The following CNTN4 variants were observed in gnomAD, a reference collection of about 807,000 sequenced individuals.
CNTN4 encodes the protein contactin-4.
A neutral mutation model predicts 122.5 loss-of-function variants in CNTN4; 77 were observed. The ratio of observed to expected loss-of-function variants is 0.63; its 90% CI spans 0.52 to 0.76. The LOEUF is 0.76. Ranked by LOEUF, CNTN4 falls within the 30% of genes least tolerant of loss-of-function variation. CNTN4 has a pLI of 0.00. For synonymous variants in CNTN4, 512 were observed against 447.0 expected (o/e 1.15, Z -1.83); for missense variants, 1,256 against 1,259.1 (o/e 1.00, Z 0.04).
At chr3:2,215,100 C>T (rs2038783039) in intron 2 of CNTN4, among the ~76,000 whole-genome samples, 1 of 152,166 alleles carries the variant, frequency 6.6e-6, no homozygotes, top group Non-Finnish European at 1.5e-5. Context: ...TCACCTCTAT[C>T]TCTTCTTTTC....
At chr3:2,311,923 G>C (rs2042929144) in intron 2 of CNTN4, among the ~76,000 whole-genome samples, 1 of 152,066 alleles carries the variant, frequency 6.6e-6, no homozygotes, top group Admixed American at 6.6e-5. Flanking sequence ...GAGTTATAGA[G>C]TTTTGGAGGA....
At chr3:2,984,366 C>A (rs1694353037) in intron 13 of CNTN4, among the ~76,000 whole-genome samples, 1 of 151,990 alleles carries the variant, frequency 6.6e-6, no homozygotes, top group South Asian at 2.1e-4. Context: ...TGATTTTGAC[C>A]CCCAGGGTAT....
intron 6 of CNTN4, among the ~76,000 whole-genome samples, chr3:2,810,023 A>G (rs2092566606): frequency 6.6e-6 from 1 of 152,194 alleles, no homozygotes; most frequent in African/African-American, 2.4e-5. Flanking sequence ...ATAATAGTTG[A>G]GGGGTGAAAA....
intron 13 of CNTN4, among the ~76,000 whole-genome samples, chr3:2,967,974 A>G (rs1692498411): frequency 6.6e-6 from 1 of 151,524 alleles, no homozygotes; most frequent in South Asian, 2.1e-4. Context: ...TCATCTGTCT[A>G]TGAACCATGA....
intron 4 of CNTN4, among the ~76,000 whole-genome samples, chr3:2,680,437 A>G (rs1054872623): frequency 2.6e-5 from 4 of 152,212 alleles, no homozygotes; most frequent in African/African-American, 7.2e-5. Context: ...GCTCGGATAC[A>G]GTGAGGCAGG....
At chr3:2,735,110 C>A (rs923789384) in intron 4 of CNTN4, among the ~76,000 whole-genome samples, 2 of 152,082 alleles carry the variant, frequency 1.3e-5, no homozygotes, top group East Asian at 3.8e-4. Flanking sequence ...AGCTTATAAT[C>A]CAAACAAGGG....
chr3:2,473,430 G>A (rs1016184833), intron 3 of CNTN4, among the ~76,000 whole-genome samples: 2 of 151,988 alleles, frequency 1.3e-5, no homozygotes, highest in African/African-American at 4.8e-5. Context: ...TTGCCCCAAA[G>A]CAGTGTACTC....
At chr3:2,785,900 C>CCCCCCCCCCCCCCCCCCCCCCCCCCCCCA (rs1559501967) in intron 6 of CNTN4, among the ~76,000 whole-genome samples, 1 of 127,840 alleles carries the variant, frequency 7.8e-6, no homozygotes, top group Non-Finnish European at 1.7e-5. Flanking sequence ...ACGCTGCCCC[C>CCCCCCCCCCCCCCCCCCCCCCCCCCCCCA]CCCCGCCCCC....
intron 8 of CNTN4, among the ~76,000 whole-genome samples, chr3:2,877,775 G>C (rs60505961): frequency 6.6e-6 from 1 of 152,134 alleles, no homozygotes; most frequent in Non-Finnish European, 1.5e-5. Context: ...TTGCAAAAGC[G>C]TACAGGTGGT....
chr3:3,054,673 C>G (rs981535789), intron 24 of CNTN4, among the ~76,000 whole-genome samples: 2 of 152,068 alleles, frequency 1.3e-5, no homozygotes, highest in African/African-American at 4.8e-5. Flanking sequence ...AGAAGTGAGG[C>G]TAGTGATTGG....
At chr3:2,191,405 A>T (rs1324375687) in intron 2 of CNTN4, among the ~76,000 whole-genome samples, 2 of 152,102 alleles carry the variant, frequency 1.3e-5, no homozygotes, top group African/African-American at 2.4e-5. Context: ...AGCTGGAGAA[A>T]GGTGGGAGCA....
intron 7 of CNTN4, among the ~76,000 whole-genome samples, chr3:2,825,037 GA>G (rs1467558691): frequency 6.6e-6 from 1 of 151,994 alleles, no homozygotes; most frequent in African/African-American, 2.4e-5. Context: ...GTTCATAAAG[GA>G]AATGAAAAAC....
chr3:2,473,142 A>T (rs532355307), intron 3 of CNTN4, among the ~76,000 whole-genome samples: 3 of 151,618 alleles, frequency 2.0e-5, no homozygotes, highest in Non-Finnish European at 2.9e-5. Flanking sequence ...GAGGCAGGAG[A>T]ATCGCTTGAA....
intron 2 of CNTN4, among the ~76,000 whole-genome samples, chr3:2,222,727 C>G (rs1035602589): frequency 3.3e-5 from 5 of 151,972 alleles, no homozygotes; most frequent in African/African-American, 9.7e-5. Flanking sequence ...CCTAGTAAAA[C>G]TTATCATTAT....
chr3:2,376,016 T>C (rs1250654784), intron 3 of CNTN4, among the ~76,000 whole-genome samples: 2 of 152,150 alleles, frequency 1.3e-5, no homozygotes, highest in Non-Finnish European at 2.9e-5. Flanking sequence ...TATTGAAGCA[T>C]AGACGGGTGC....
intron 6 of CNTN4, among the ~76,000 whole-genome samples, chr3:2,788,337 T>C (rs2091905327): frequency 6.6e-6 from 1 of 152,160 alleles, no homozygotes; most frequent in South Asian, 2.1e-4. Context: ...CACTGTATGA[T>C]ATAATTTGGA....
chr3:2,862,608 ACTGT>A (rs1194438082), intron 7 of CNTN4, among the ~76,000 whole-genome samples: 3 of 152,214 alleles, frequency 2.0e-5, no homozygotes, highest in East Asian at 1.9e-4. Context: ...TGGGACAGAA[ACTGT>A]CTGTCACTTC....
chr3:2,560,257 C>G (rs1245778803), intron 3 of CNTN4, among the ~76,000 whole-genome samples: 3 of 151,996 alleles, frequency 2.0e-5, no homozygotes, highest in Non-Finnish European at 4.4e-5. Context: ...TCTCCCACCT[C>G]AGCCTCCTGA....
intron 2 of CNTN4, among the ~76,000 whole-genome samples, chr3:2,216,885 T>C (rs1196004587): frequency 1.1e-4 from 17 of 152,152 alleles, no homozygotes; most frequent in Non-Finnish European, 5.9e-5. Context: ...CTTAGCAGGT[T>C]TGATGGAGCT....
Sources: allele counts gnomAD v4.1 joint callset (sites outside exome capture counted in the v4.1 genomes callset), GRCh38; gene constraint gnomAD v4.1.1; transcripts MANE v1.5; gene names NCBI Gene and HGNC (gene_info 2026-07-23, HGNC 2026-07-21).